The following MACROD2 variants were observed in gnomAD, a reference collection of about 807,000 sequenced individuals.
The protein encoded by MACROD2 is ADP-ribose glycohydrolase MACROD2.
MACROD2 carries 36 observed loss-of-function variants against 70.4 expected under a neutral mutation model. That is an observed-to-expected ratio of 0.51 (90% CI 0.39 to 0.68). The LOEUF is 0.68. Ranked by LOEUF, MACROD2 falls within the 30% of genes least tolerant of loss-of-function variation. The pLI is 0.00. For synonymous variants in MACROD2, 172 were observed against 178.8 expected (o/e 0.96, Z 0.30); for missense variants, 496 against 538.4 (o/e 0.92, Z 0.78).
chr20:15,700,806 A>G (rs2050446665), intron 8 of MACROD2, among the ~76,000 whole-genome samples: 1 of 152,234 alleles, frequency 6.6e-6, no homozygotes, highest in Admixed American at 6.5e-5. Flanking sequence ...CACACGTATA[A>G]TTTTGTGATC....
At chr20:14,933,908 T>A (rs1219746444) in intron 5 of MACROD2, 3 of 152,230 alleles carry the variant, frequency 2.0e-5, no homozygotes, top group Non-Finnish European at 4.4e-5. Flanking sequence ...CTAGGGATGC[T>A]CTTTATAGGT....
chr20:15,117,292 C>A (rs1447948000), intron 5 of MACROD2, among the ~76,000 whole-genome samples: 1 of 152,178 alleles, frequency 6.6e-6, no homozygotes, highest in East Asian at 1.9e-4. Flanking sequence ...TTTTAGCTTC[C>A]TTATTAAGCA....
intron 8 of MACROD2, among the ~76,000 whole-genome samples, chr20:15,670,586 T>G (rs144563495): frequency 6.6e-6 from 1 of 152,340 alleles, no homozygotes; most frequent in African/African-American, 2.4e-5. Flanking sequence ...CAAATACATC[T>G]GAGACATTTT....
intron 8 of MACROD2, among the ~76,000 whole-genome samples, chr20:15,575,746 T>C (rs561048248): frequency 2.2e-4 from 33 of 152,290 alleles, no homozygotes; most frequent in African/African-American, 7.0e-4. Context: ...TAGGGCTGCA[T>C]AAATTTTCAC....
chr20:14,906,723 C>T (rs6074815), intron 5 of MACROD2, among the ~76,000 whole-genome samples: 134,724 of 152,194 alleles, frequency 0.89, 59,679 homozygotes, highest in East Asian at 1. Context: ...AATAAAAGAA[C>T]AGGATCTTTT....
At chr20:15,232,039 A>G (rs550592085) in intron 6 of MACROD2, among the ~76,000 whole-genome samples, 10 of 152,082 alleles carry the variant, frequency 6.6e-5, no homozygotes, top group African/African-American at 1.9e-4. Context: ...CATAAAAAAG[A>G]AAAATATTTT....
At chr20:14,121,803 G>A (rs760942215) in intron 3 of MACROD2, among the ~76,000 whole-genome samples, 146 of 152,178 alleles carry the variant, frequency 9.6e-4, no homozygotes, top group Non-Finnish European at 5.0e-4. Context: ...GCTAAAAGAA[G>A]CTTTGTTATG....
At chr20:14,415,841 T>C (rs1293280091) in intron 3 of MACROD2, among the ~76,000 whole-genome samples, 1 of 152,218 alleles carries the variant, frequency 6.6e-6, no homozygotes, top group Non-Finnish European at 1.5e-5. Context: ...AATTACATGA[T>C]TAAAATACTC....
intron 8 of MACROD2, among the ~76,000 whole-genome samples, chr20:15,811,176 A>G: frequency 6.6e-6 from 1 of 152,216 alleles, no homozygotes; most frequent in South Asian, 2.1e-4. Flanking sequence ...GAAAATTTTC[A>G]CAACCTACTC....
At chr20:14,418,604 T>G (rs564004638) in intron 3 of MACROD2, among the ~76,000 whole-genome samples, 1 of 152,346 alleles carries the variant, frequency 6.6e-6, no homozygotes, top group South Asian at 2.1e-4. Context: ...GTTAGGAATT[T>G]AACAGTTCCA....
intron 8 of MACROD2, among the ~76,000 whole-genome samples, chr20:15,827,542 A>G (rs577318324): frequency 4.6e-5 from 7 of 152,306 alleles, no homozygotes; most frequent in African/African-American, 1.2e-4. Flanking sequence ...GAAATGGAAG[A>G]AAAAAATGCT....
At chr20:13,998,954 CAAA>C (rs11476537) in intron 1 of MACROD2, among the ~76,000 whole-genome samples, 13 of 99,534 alleles carry the variant, frequency 1.3e-4, no homozygotes, top group Admixed American at 2.9e-4. Context: ...GACTCCGTCT[CAAA>C]AAAAAAAAAA....
At chr20:15,211,231 A>G (rs969073448) in intron 5 of MACROD2, among the ~76,000 whole-genome samples, 19 of 152,194 alleles carry the variant, frequency 1.2e-4, no homozygotes, top group Admixed American at 1.3e-4. Flanking sequence ...TTAACTTAGC[A>G]TAAGATTTCC....
chr20:14,804,628 T>C (rs2072616639), intron 5 of MACROD2, among the ~76,000 whole-genome samples: 1 of 151,988 alleles, frequency 6.6e-6, no homozygotes, highest in African/African-American at 2.4e-5. Flanking sequence ...GTGAGAGGGC[T>C]GTACTGACCT....
At chr20:14,205,209 G>A (rs150657399) in intron 3 of MACROD2, among the ~76,000 whole-genome samples, 1 of 152,210 alleles carries the variant, frequency 6.6e-6, no homozygotes, top group African/African-American at 2.4e-5. Context: ...CATTTTTCCT[G>A]AAAACATCTC....
intron 6 of MACROD2, among the ~76,000 whole-genome samples, chr20:15,403,947 A>ATG (rs2045964339): frequency 1.3e-5 from 2 of 152,210 alleles, no homozygotes; most frequent in African/African-American, 2.4e-5. Context: ...GTATAAAGCA[A>ATG]TAGAGCAAGA....
At chr20:15,390,987 A>G (rs1019403203) in intron 6 of MACROD2, among the ~76,000 whole-genome samples, 1 of 152,144 alleles carries the variant, frequency 6.6e-6, no homozygotes, top group African/African-American at 2.4e-5. Context: ...CTGTGTGTGG[A>G]TCCAAATATC....
chr20:15,383,903 T>TA (rs2045677116), intron 6 of MACROD2, among the ~76,000 whole-genome samples: 2 of 152,180 alleles, frequency 1.3e-5, no homozygotes, highest in African/African-American at 2.4e-5. Flanking sequence ...AATTCTGATC[T>TA]AAAAAAGTGG....
intron 2 of MACROD2, among the ~76,000 whole-genome samples, chr20:14,056,153 T>G (rs886752253): frequency 3.3e-5 from 5 of 152,120 alleles, no homozygotes; most frequent in African/African-American, 1.2e-4. Flanking sequence ...ATAATTTGTG[T>G]TTTCCTTAAG....
Sources: gnomAD v4.1 joint callset for allele counts (sites outside exome capture counted in the v4.1 genomes callset) on GRCh38, gnomAD v4.1.1 for gene constraint, MANE v1.5 for transcripts, NCBI Gene and HGNC (gene_info 2026-07-23, HGNC 2026-07-21) for gene names.